Variants in MTMR8 observed in about 807,000 individuals in gnomAD.
MTMR8 encodes myotubularin related protein 8, also known as phosphatidylinositol-3,5-bisphosphate 3-phosphatase MTMR8.
Under a neutral mutation model 39.3 loss-of-function variants are expected in MTMR8, and 65 were observed. The observed-to-expected ratio is 1.65, with a 90% CI of 1.35 to 2.03. MTMR8 has a LOEUF of 2.03. MTMR8 is among the 30% of genes most tolerant of loss of function. The pLI, the probability that MTMR8 is intolerant of heterozygous loss-of-function variation, is 0.00. For missense variants in MTMR8, 777 were observed against 538.9 expected, an observed-to-expected ratio of 1.44 and a Z score of -4.37; for synonymous variants, 245 against 185.2, an observed-to-expected ratio of 1.32 and a Z score of -2.62.
intron 1 of MTMR8, among the ~76,000 whole-genome samples, chrX:64,371,317 G>A (rs900937250): frequency 6.2e-5 from 7 of 112,337 alleles, no homozygotes; most frequent in Middle Eastern, 4.6e-3. Flanking sequence ...AATGTGATGA[G>A]TTAAATTTCA....
intron 4 of MTMR8, among the ~76,000 whole-genome samples, chrX:64,351,687 C>T (rs1393117761): frequency 2.7e-5 from 3 of 111,232 alleles, no homozygotes; most frequent in Non-Finnish European, 3.8e-5. Flanking sequence ...GGCTGAAGGC[C>T]CGAGAGCCCC....
intron 9 of MTMR8, 136 bp downstream of exon 9, chrX:64,337,132 A>G: frequency 8.1e-6 from 5 of 617,647 alleles, no homozygotes; most frequent in Non-Finnish European, 9.8e-6. Flanking sequence ...TTTAATGAAA[A>G]GAAGCTAAAT....
chrX:64,353,982 AC>A (rs1380044747), intron 4 of MTMR8, among the ~76,000 whole-genome samples: 3 of 111,202 alleles, frequency 2.7e-5, no homozygotes, highest in Non-Finnish European at 5.7e-5. Context: ...TAACTCAGTC[AC>A]AAAAAAATGT....
intron 2 of MTMR8, among the ~76,000 whole-genome samples, chrX:64,357,081 G>A (rs755032100): frequency 8.9e-6 from 1 of 112,006 alleles, no homozygotes; most frequent in Non-Finnish European, 1.9e-5. Flanking sequence ...GCATGGAAAG[G>A]GAACTGATGA....
chrX:64,377,086 C>T (rs962408016), intron 1 of MTMR8, among the ~76,000 whole-genome samples: 1 of 112,469 alleles, frequency 8.9e-6, no homozygotes, highest in African/African-American at 3.2e-5. Flanking sequence ...GGCCTAGGAG[C>T]CTCCACCTAG....
chrX:64,285,412 A>G, intron 12 of MTMR8, among the ~76,000 whole-genome samples: 1 of 111,312 alleles, frequency 9.0e-6, no homozygotes, highest in Non-Finnish European at 1.9e-5. Context: ...TAGACAGATC[A>G]ACGAGACAGA....
chrX:64,278,960 A>G (rs1025239062), intron 12 of MTMR8, among the ~76,000 whole-genome samples: 7 of 111,496 alleles, frequency 6.3e-5, no homozygotes, highest in Non-Finnish European at 1.3e-4. Flanking sequence ...CCAGAGGGGC[A>G]CCTGCCAGAT....
In MTMR8 at chrX:64,359,389, C is replaced by T; in HGVS notation, c.147+16G>A. On this transcript the variant is annotated intron_variant, in intron 2 of 13. Transcript: ENST00000374852. The stretch of plus-strand genomic sequence containing the variant: ...AACTCTTTAAGACTCTTTGATACTT[C>T]TTCTCATGAACATACCCATGTTTCT... The T allele has an allele frequency of 1.7e-6, 2 of 1,196,075 alleles. No homozygotes were observed. Among genetic ancestry groups the T allele is most frequent in the Non-Finnish European group, 2.3e-6 (2 of 886,076 alleles).
chrX:64,331,669 G>T lies in MTMR8; in HGVS notation c.1240C>A (p.Pro414Thr). 8.3e-7 allele frequency: 1 copy of T among 1,210,210 alleles called. No homozygotes were observed. Among genetic ancestry groups the T allele is most frequent in the Non-Finnish European group, 1.1e-6 (1 of 894,322 alleles). ...DCIWQLMEQF[P>T]CAFEFNENFL... ...TTTTCATTAAACTCAAAGGCACAGG[G>T]AAACTGTTCCATTAATTGCCAGATA... The change falls in exon 11 of 14, where the codon CCC becomes ACC. Residue 414 changes from proline (P) to threonine (T), a missense_variant. Physicochemically the swap from Pro to Thr is conservative, Grantham distance 38 (BLOSUM62 -1). Coordinates refer to ENST00000374852, the MANE Select transcript of MTMR8 (RefSeq NM_017677.4).
chrX:64,329,483 C>A (rs776984883), intron 11 of MTMR8, among the ~76,000 whole-genome samples: 1 of 111,410 alleles, frequency 9.0e-6, no homozygotes, highest in Non-Finnish European at 1.9e-5. Context: ...AGGTGGGCAA[C>A]TAAAGATTAT....
chrX:64,344,139 G>GAA (rs202044114), intron 7 of MTMR8, among the ~76,000 whole-genome samples: 18 of 106,713 alleles, frequency 1.7e-4, no homozygotes, highest in African/African-American at 5.9e-4. Context: ...TCAACAGGTT[G>GAA]AAAAAAAAAA....
At chrX:64,362,343 A>T (rs1054981278) in intron 1 of MTMR8, among the ~76,000 whole-genome samples, 10 of 106,845 alleles carry the variant, frequency 9.4e-5, no homozygotes, top group African/African-American at 3.1e-4. Flanking sequence ...AACCCCACAA[A>T]TTGCTAAATC....
intron 1 of MTMR8, 47 bp downstream of exon 1, chrX:64,395,293 C>T: frequency 8.4e-7 from 1 of 1,196,223 alleles, no homozygotes; most frequent in Non-Finnish European, 1.1e-6. Flanking sequence ...AGGTGAGCAC[C>T]AAGAGGAAGC....
intron 1 of MTMR8, among the ~76,000 whole-genome samples, chrX:64,371,189 C>G (rs924154656): frequency 9.0e-6 from 1 of 111,300 alleles, no homozygotes; most frequent in Admixed American, 9.6e-5. Flanking sequence ...AAAATGTTCT[C>G]CTTATTAATC....
At chrX:64,329,604 G>A (rs1376979772) in intron 11 of MTMR8, among the ~76,000 whole-genome samples, 1 of 111,187 alleles carries the variant, frequency 9.0e-6, no homozygotes, top group Non-Finnish European at 1.9e-5. Flanking sequence ...GAGATCCACT[G>A]GTTCCCAAAG....
rs765247277 is a variant in MTMR8 at position 64,331,741 on chromosome X, C to T, written c.1168G>A (p.Gly390Arg). The change falls in exon 11 of 14, where the codon GGG becomes AGG. Residue 390 changes from glycine to arginine, a missense_variant. Gly to Arg is a moderately radical substitution (Grantham distance 125). Coordinates refer to ENST00000374852, the MANE Select transcript of MTMR8 (RefSeq NM_017677.4). ...KFSQRCGHLDGDSKEVSPIFT... is the reference protein window; with the variant it reads ...KFSQRCGHLDRDSKEVSPIFT... Reference sequence around the variant, plus strand: ...ATAGGGGACACTTCTTTAGAGTCCCCATCGAGGTGGCCACACCTGAGAGAT... The same window carrying T: ...ATAGGGGACACTTCTTTAGAGTCCCTATCGAGGTGGCCACACCTGAGAGAT... 7 of 1,206,011 alleles carry T rather than the reference C, an allele frequency of 5.8e-6. 1 individual carries two copies. The South Asian group carries it at 8.9e-5, about 15-fold the overall frequency.
At chrX:64,376,787 C>A (rs1395319125) in intron 1 of MTMR8, among the ~76,000 whole-genome samples, 1 of 112,072 alleles carries the variant, frequency 8.9e-6, no homozygotes, top group Admixed American at 9.4e-5. Flanking sequence ...TGTTAATAGC[C>A]AAAACAATGG....
Position 64,345,122 on chromosome X carries a change from T to C in MTMR8, c.788A>G (p.Tyr263Cys). 9.1e-6 allele frequency: 11 copies of C among 1,209,547 alleles called. No individual in the cohort carries two copies. In the Middle Eastern group the frequency reaches 1.6e-3, roughly 177 times the overall value. ...CATGAATCTGAAGCGAATGTTGGCA[T>C]AGTTGTCTTCATTTTCATACCCCTT... ...AGKGYENEDN[Y>C]ANIRFRFMGI... The change falls in exon 7 of 14, where the codon TAT becomes TGT. Residue 263 changes from tyrosine to cysteine, a missense_variant. Coordinates refer to ENST00000374852, the MANE Select transcript of MTMR8 (RefSeq NM_017677.4).
chrX:64,366,349 G>C (rs761877742), intron 1 of MTMR8, among the ~76,000 whole-genome samples: 11 of 111,615 alleles, frequency 9.9e-5, no homozygotes, highest in Non-Finnish European at 1.9e-4. Context: ...TGACCACATA[G>C]TTGGAAGTAA....
Sources: allele counts gnomAD v4.1 joint callset (sites outside exome capture counted in the v4.1 genomes callset), GRCh38; gene constraint gnomAD v4.1.1; transcripts MANE v1.5; gene names NCBI Gene and HGNC (gene_info 2026-07-23, HGNC 2026-07-21).